Variants in RAG1 observed in about 807,000 individuals in gnomAD.
RAG1 encodes V(D)J recombination-activating protein 1.
In RAG1, 35 loss-of-function variants were observed where a neutral mutation model predicts 62.7. The ratio of observed to expected loss-of-function variants is 0.56; its 90% CI spans 0.43 to 0.74. The LOEUF (loss-of-function observed/expected upper bound fraction) is 0.74, where lower values mean the gene tolerates loss of function less well. Ranked by LOEUF, RAG1 falls within the 30% of genes least tolerant of loss-of-function variation. The pLI is 0.00. For missense variants in RAG1, 1,169 were observed against 1,278.6 expected, an observed-to-expected ratio of 0.91 and a Z score of 1.31; for synonymous variants, 461 against 470.3, an observed-to-expected ratio of 0.98 and a Z score of 0.26.
At chr11:36,517,564 A>G (rs1387859779) in intron 1 of RAG1, among the ~76,000 whole-genome samples, 2 of 152,194 alleles carry the variant, frequency 1.3e-5, no homozygotes, top group Non-Finnish European at 2.9e-5. Flanking sequence ...TAATGCTATC[A>G]TACCTTTTCG....
intron 1 of RAG1, among the ~76,000 whole-genome samples, chr11:36,511,703 A>T (rs910118893): frequency 2.0e-5 from 3 of 152,218 alleles, no homozygotes; most frequent in African/African-American, 7.2e-5. Flanking sequence ...AAAAAATAAA[A>T]CATTGCCAGC....
chr11:36,533,140 T>G (rs1295376556), intron 2 of RAG1, among the ~76,000 whole-genome samples: 1 of 152,092 alleles, frequency 6.6e-6, no homozygotes, highest in Non-Finnish European at 1.5e-5. Flanking sequence ...TCTGTTCTGG[T>G]TCCCCATAGA....
upstream of RAG1, chr11:36,510,708 T>TTTA (rs1220718045): frequency 6.6e-6 from 1 of 152,254 alleles, no homozygotes; most frequent in Non-Finnish European, 1.5e-5. Flanking sequence ...AACCCTCTAT[T>TTTA]ATTACCTGCT....
At chr11:36,562,843 G>C (rs1472197324) in intron 3 of RAG1, among the ~76,000 whole-genome samples, 1 of 152,132 alleles carries the variant, frequency 6.6e-6, no homozygotes, top group Non-Finnish European at 1.5e-5. Flanking sequence ...TGGTTTTCCT[G>C]GTTCTCCAAC....
At position 36,573,568 on chromosome 11, in the gene RAG1, A is replaced by T. The variant is rs1298788956; in HGVS notation, c.264A>T (p.Ser88=). Residue 88 remains serine, a synonymous_variant, in exon 2 of 2, where the codon TCA becomes TCT. Coordinates refer to ENST00000299440, the MANE Select transcript of RAG1 (RefSeq NM_000448.3). The part of the protein sequence containing the change: ...QPLLKAHPKF[S]KKFHDNEKAR... ...TGTTAAAAGCCCACCCTAAGTTTTCAAAGAAATTTCACGACAACGAGAAAG... is the reference window on the plus strand; with the variant it reads ...TGTTAAAAGCCCACCCTAAGTTTTCTAAGAAATTTCACGACAACGAGAAAG... The T allele has an allele frequency of 6.2e-7, 1 of 1,614,192 alleles. No individual in the cohort carries two copies. Among genetic ancestry groups the T allele is most frequent in the South Asian group, 1.1e-5 (1 of 91,078 alleles).
intron 1 of RAG1, among the ~76,000 whole-genome samples, chr11:36,518,770 A>C (rs897305680): frequency 3.9e-5 from 6 of 152,074 alleles, no homozygotes; most frequent in African/African-American, 1.4e-4. Context: ...AGATTGCAAA[A>C]ATTTTCTCCC....
downstream of RAG1, among the ~76,000 whole-genome samples, chr11:36,539,355 G>C (rs1201812955): frequency 6.6e-6 from 1 of 152,198 alleles, no homozygotes; most frequent in Non-Finnish European, 1.5e-5. Context: ...AGAAATAAAT[G>C]CTTGTTTAAG....
Position 36,527,019 on chromosome 11 carries a change from C to G in RAG1, n.428+6790C>G, listed in dbSNP as rs184705888. ...GATGGATAGATTGCAAACATTTTCTCCTATTCTGTAGGTTGCCTGTCCACT... is the reference window on the plus strand; with the variant it reads ...GATGGATAGATTGCAAACATTTTCTGCTATTCTGTAGGTTGCCTGTCCACT... On this transcript the variant is annotated intron_variant and non_coding_transcript_variant, in intron 2 of 2. Transcript: ENST00000529126. Among the ~76,000 whole-genome samples the G allele has an allele frequency of 2.0e-5, 3 of 152,256 alleles. No homozygotes were observed. In the East Asian group the frequency reaches 5.8e-4, roughly 29 times the overall value.
chr11:36,525,415 T>C (rs1860145265), intron 2 of RAG1, among the ~76,000 whole-genome samples: 1 of 152,200 alleles, frequency 6.6e-6, no homozygotes, highest in African/African-American at 2.4e-5. Context: ...AATAATATTG[T>C]CAATCTTAAA....
chr11:36,575,916 A>G lies in RAG1; in HGVS notation c.2612A>G (p.Glu871Gly). ...AAAGAGACTGTGGATGCAGTTTGTG[A>G]GTTAATTCCTTCCGAGGAGAGGCAC... Reference protein sequence around the residue: ...MTKETVDAVCELIPSEERHEA... With the variant: ...MTKETVDAVCGLIPSEERHEA... Residue 871 changes from glutamate to glycine, a missense_variant, in exon 2 of 2, where the codon GAG becomes GGG. Physicochemically the swap from Glu to Gly is moderately conservative, Grantham distance 98 (BLOSUM62 -2). Transcript: ENST00000299440. This position sits in a 1 kb window ranked among gnomAD's most constrained non-coding sequence, Gnocchi z 4.1. 6.2e-7 allele frequency: 1 copy of G among 1,614,148 alleles called. No homozygotes were observed. The highest frequency in any genetic ancestry group is 8.5e-7 in the Non-Finnish European group (1 of 1,180,044).
At chr11:36,564,472 G>A (rs1850633600), upstream of RAG1, among the ~76,000 whole-genome samples, 1 of 152,188 alleles carries the variant, frequency 6.6e-6, no homozygotes, top group Non-Finnish European at 1.5e-5. Flanking sequence ...TTCTTAGCCA[G>A]TTCATGGATT....
rs1415962742 is a variant in RAG1, at chr11:36,574,197, A to G, written c.893A>G (p.His298Arg). Reference sequence around the variant, plus strand: ...TCCATCTCCTGCCAGATCTGTGAACACATTCTGGCTGACCCTGTGGAGACC... The same window carrying G: ...TCCATCTCCTGCCAGATCTGTGAACGCATTCTGGCTGACCCTGTGGAGACC... ...VKSISCQICE[H>R]ILADPVETNC... Residue 298 changes from histidine (H) to arginine (R), a missense_variant, in exon 2 of 2, where the codon CAC (histidine) becomes CGC (arginine). Physicochemically the swap from His to Arg is conservative, Grantham distance 29. Around this residue, in one of 2 missense-constraint regions of RAG1, gnomAD observed 800 missense variants for 943.3 expected, o/e 0.85. Coordinates refer to ENST00000299440, the MANE Select transcript of RAG1 (RefSeq NM_000448.3). The G allele has an allele frequency of 6.2e-7, 1 of 1,614,172 alleles. No homozygotes were observed. The highest frequency in any genetic ancestry group is 8.5e-7 in the Non-Finnish European group (1 of 1,180,016).
rs544494251 is a variant in RAG1 at position 36,528,101 on chromosome 11, A to G, written n.429-7858A>G. Among the ~76,000 whole-genome samples, 86 of 152,286 alleles carry G rather than the reference A, an allele frequency of 5.6e-4. No individual in the cohort carries two copies. In the South Asian group the frequency reaches 0.015, roughly 26 times the overall value. On this transcript the variant is annotated intron_variant and non_coding_transcript_variant, in intron 2 of 2. Coordinates refer to the RAG1 transcript ENST00000529126. ...AGACAGATCAATGAGACAAAAAATTAATGATATTCAGGACTTGAACTCAGC... is the reference window on the plus strand; with the variant it reads ...AGACAGATCAATGAGACAAAAAATTGATGATATTCAGGACTTGAACTCAGC...
Position 36,574,286 on chromosome 11 carries a change from T to A in RAG1, c.982T>A (p.Cys328Ser). Residue 328 changes from cysteine (C) to serine (S), a missense_variant, in exon 2 of 2, where the codon TGT (cysteine) becomes AGT (serine). Cys to Ser is a moderately radical substitution (Grantham distance 112). This residue lies in a region of RAG1 where 800 missense variants were observed against 943.3 expected (regional missense o/e 0.85). Transcript: ENST00000299440. The stretch of plus-strand genomic sequence containing the variant: ...ATGCCTCAAAGTCATGGGCAGCTAT[T>A]GTCCCTCTTGCCGATATCCATGCTT... ...LRCLKVMGSY[C>S]PSCRYPCFPT... The A allele has an allele frequency of 6.2e-7, 1 of 1,614,238 alleles. No homozygotes were observed. The highest frequency in any genetic ancestry group is 1.1e-5 in the South Asian group (1 of 91,080).
At chr11:36,539,870 G>T (rs540622878), downstream of RAG1, among the ~76,000 whole-genome samples, 2 of 152,336 alleles carry the variant, frequency 1.3e-5, no homozygotes, top group Admixed American at 6.5e-5. Flanking sequence ...TGGGAAAGAA[G>T]AATTCATTTG....
At chr11:36,534,962 A>T (rs12807997) in intron 2 of RAG1, among the ~76,000 whole-genome samples, 1,874 of 152,206 alleles carry the variant, frequency 0.012, 32 homozygotes, top group African/African-American at 0.043. Flanking sequence ...TCTAATAGCC[A>T]TTTAGGGTTA....
Position 36,575,829 on chromosome 11 carries a change from A to C in RAG1, c.2525A>C (p.Lys842Thr). Residue 842 changes from lysine (K) to threonine (T), a missense_variant, in exon 2 of 2, where the codon AAG (lysine) becomes ACG (threonine). Coordinates refer to ENST00000299440, the MANE Select transcript of RAG1 (RefSeq NM_000448.3). The surrounding 1 kb of genome is among the most constrained non-coding windows in gnomAD (Gnocchi z 4.1). ...WQATLDKHLR[K>T]KMNLKPIMRM... ...GCCACACTGGACAAGCATCTCCGGA[A>C]GAAGATGAACCTCAAACCAATCATG... 2 of 1,614,248 alleles carry C rather than the reference A, an allele frequency of 1.2e-6. No individual in the cohort carries two copies. The highest frequency in any genetic ancestry group is 1.7e-6 in the Non-Finnish European group (2 of 1,180,028).
At chr11:36,537,578 T>G (rs984285887), downstream of RAG1, among the ~76,000 whole-genome samples, 2 of 152,212 alleles carry the variant, frequency 1.3e-5, no homozygotes, top group Non-Finnish European at 2.9e-5. Context: ...AAGGTAAGTA[T>G]TTTTCTTTGA....
intron 3 of RAG1, among the ~76,000 whole-genome samples, chr11:36,546,456 T>C (rs1850394813): frequency 6.6e-6 from 1 of 152,198 alleles, no homozygotes; most frequent in Admixed American, 6.5e-5. Flanking sequence ...CCCTTTATTT[T>C]GAGTCTATGT....
Sources: gnomAD v4.1 joint callset for allele counts (sites outside exome capture counted in the v4.1 genomes callset) on GRCh38, gnomAD v4.1.1 for gene constraint, gnomAD v4.1.1 regional missense constraint, Gnocchi (gnomAD v3.1) non-coding constraint, MANE v1.5 for transcripts, NCBI Gene and HGNC (gene_info 2026-07-23, HGNC 2026-07-21) for gene names.